The following PCDHA2 variants were observed in gnomAD, a reference collection of about 807,000 sequenced individuals.
The protein encoded by PCDHA2 is protocadherin alpha 2.
In PCDHA2, 58 loss-of-function variants were observed where a neutral mutation model predicts 66.0. The ratio of observed to expected loss-of-function variants is 0.88; its 90% CI spans 0.71 to 1.09. PCDHA2 has a LOEUF of 1.09. PCDHA2 is among the 50% of genes least tolerant of loss of function. PCDHA2 has a pLI of 0.00. For synonymous variants in PCDHA2, 634 were observed against 554.0 expected (o/e 1.14, Z -2.03); for missense variants, 1,267 against 1,242.3 (o/e 1.02, Z -0.30).
At chr5:140,926,129 G>C (rs2082926412) in intron 1 of PCDHA2, among the ~76,000 whole-genome samples, 1 of 152,178 alleles carries the variant, frequency 6.6e-6, no homozygotes, top group African/African-American at 2.4e-5. Flanking sequence ...ACTTCAACCC[G>C]CAGCAGGATC....
chr5:140,822,831 C>A, intron 1 of PCDHA2: 1 of 1,614,158 alleles, frequency 6.2e-7, no homozygotes, highest in Non-Finnish European at 8.5e-7. Flanking sequence ...TGGCCATAAC[C>A]ACCCTTTTCC....
intron 1 of PCDHA2, chr5:140,865,048 T>A (rs2048709545): frequency 1.3e-5 from 2 of 152,178 alleles, no homozygotes; most frequent in Admixed American, 1.3e-4. Flanking sequence ...AAAAATGTCA[T>A]TGTTTTTAAT....
chr5:140,842,051 CAGTCTGAATACGAA>C (rs1777673706), intron 1 of PCDHA2: 1 of 1,613,852 alleles, frequency 6.2e-7, no homozygotes, highest in African/African-American at 1.3e-5. Context: ...CACTTTCGAA[CAGTCTGAATACGAA>C]GTAAGAATAT....
At chr5:140,962,716 G>A (rs1268660102) in intron 1 of PCDHA2, among the ~76,000 whole-genome samples, 2 of 152,304 alleles carry the variant, frequency 1.3e-5, no homozygotes, top group East Asian at 3.9e-4. Context: ...ATATTGGAAA[G>A]TATTTTCCTT....
At chr5:140,902,301 G>A (rs943083254) in intron 1 of PCDHA2, among the ~76,000 whole-genome samples, 1 of 149,570 alleles carries the variant, frequency 6.7e-6, no homozygotes, top group African/African-American at 2.5e-5. Context: ...GCCTCCCAAA[G>A]TGCTGGGATT....
intron 1 of PCDHA2, chr5:140,862,603 G>A (rs2047445390): frequency 3.9e-6 from 2 of 515,596 alleles, no homozygotes; most frequent in Non-Finnish European, 7.9e-6. Context: ...CATGGTGTTC[G>A]TGAAAGGTAA....
At chr5:140,821,108 T>G (rs1766899044) in intron 1 of PCDHA2, among the ~76,000 whole-genome samples, 1 of 152,118 alleles carries the variant, frequency 6.6e-6, no homozygotes, top group Non-Finnish European at 1.5e-5. Context: ...ATGTCACTAT[T>G]AAACAGTGAA....
At chr5:140,974,108 C>G (rs977903039) in intron 1 of PCDHA2, among the ~76,000 whole-genome samples, 1 of 152,182 alleles carries the variant, frequency 6.6e-6, no homozygotes, top group Non-Finnish European at 1.5e-5. Flanking sequence ...TAAAAGTATT[C>G]TTTTGCAGTG....
chr5:140,993,368 T>A (rs1354951477), intron 3 of PCDHA2, among the ~76,000 whole-genome samples: 2 of 151,944 alleles, frequency 1.3e-5, no homozygotes, highest in Middle Eastern at 6.8e-3. Flanking sequence ...AAAAACTACC[T>A]CCCAGCCGGG....
intron 3 of PCDHA2, among the ~76,000 whole-genome samples, chr5:141,009,322 G>C (rs2098405890): frequency 6.6e-6 from 1 of 152,206 alleles, no homozygotes. Flanking sequence ...AGCCTGGCAT[G>C]GGAGCTTGTG....
At chr5:140,983,767 A>C (rs550605597) in intron 3 of PCDHA2, among the ~76,000 whole-genome samples, 23 of 152,326 alleles carry the variant, frequency 1.5e-4, no homozygotes, top group African/African-American at 5.3e-4. Context: ...TCAAATACAT[A>C]TCTACATACA....
rs532781317 is a variant in PCDHA2, at chr5:140,854,917, G to A, written c.2388+57565G>A. 4.6e-4 allele frequency among the ~76,000 whole-genome samples: 69 copies of A among 149,868 alleles called. 3 individuals are homozygous for A. Among genetic ancestry groups the A allele is most frequent in the South Asian group, 2.8e-3 (13 of 4,714 alleles). ...AAGCGTAAATATAACAGGGTTGAAA[G>A]CATTTGCCTCTGAAAGCAGAAATAA... On this transcript the variant is annotated intron_variant, in intron 1 of 3. Transcript: ENST00000526136.
intron 1 of PCDHA2, chr5:140,857,655 C>A: frequency 1.3e-6 from 2 of 1,596,728 alleles, no homozygotes; most frequent in East Asian, 2.2e-5. Context: ...CAGGTGAGCG[C>A]GCGCGATGGG....
intron 1 of PCDHA2, chr5:140,864,013 A>T: frequency 6.5e-6 from 1 of 153,164 alleles, no homozygotes; most frequent in South Asian, 2.1e-4. Flanking sequence ...AAAAAAAAGT[A>T]CATTGGAAGT....
chr5:140,961,982 C>T (rs1367678374), intron 1 of PCDHA2, among the ~76,000 whole-genome samples: 2 of 151,650 alleles, frequency 1.3e-5, no homozygotes, highest in African/African-American at 4.9e-5. Context: ...CTCCTGGGTT[C>T]ACGCCATTGT....
At chr5:140,801,107 G>A (rs1581639652) in intron 1 of PCDHA2, 1 of 1,509,026 alleles carries the variant, frequency 6.6e-7, no homozygotes, top group Non-Finnish European at 8.8e-7. Context: ...ATTTAACACC[G>A]AGGAGTTTAA....
intron 1 of PCDHA2, chr5:140,870,282 C>T (rs886699693): frequency 6.2e-7 from 1 of 1,614,228 alleles, no homozygotes; most frequent in Non-Finnish European, 8.5e-7. Context: ...CCCACGTTCC[C>T]TTCAAGCTGG....
At chr5:140,857,560 G>T in intron 1 of PCDHA2, 1 of 1,596,914 alleles carries the variant, frequency 6.3e-7, no homozygotes, top group Non-Finnish European at 8.6e-7. Flanking sequence ...GCTCGCTGTC[G>T]AGCTACGTGT....
At chr5:140,904,475 T>C (rs1034610314) in intron 1 of PCDHA2, among the ~76,000 whole-genome samples, 1 of 151,866 alleles carries the variant, frequency 6.6e-6, no homozygotes, top group Non-Finnish European at 1.5e-5. Context: ...TGGTGGCTAT[T>C]TGGTCTGATT....
Sources: allele counts gnomAD v4.1 joint callset (sites outside exome capture counted in the v4.1 genomes callset), GRCh38; gene constraint gnomAD v4.1.1; transcripts MANE v1.5; gene names NCBI Gene and HGNC (gene_info 2026-07-23, HGNC 2026-07-21).